The following TTLL11 variants were observed in gnomAD, a reference collection of about 807,000 sequenced individuals.
The protein encoded by TTLL11 is tubulin tyrosine ligase like 11, also known as tubulin polyglutamylase TTLL11.
Under a neutral mutation model 51.7 loss-of-function variants are expected in TTLL11, and 42 were observed. That is an observed-to-expected ratio of 0.81 (90% CI 0.64 to 1.05). The LOEUF is 1.05. TTLL11 is among the 50% of genes least tolerant of loss of function. The probability of loss-of-function intolerance (pLI) is 0.00; values close to 1 mark genes in which losing one functional copy is unlikely to be tolerated. For synonymous variants in TTLL11, 381 were observed against 383.5 expected, an observed-to-expected ratio of 0.99 and a Z score of 0.08; for missense variants, 799 against 940.4, an observed-to-expected ratio of 0.85 and a Z score of 1.97.
chr9:121,886,557 G>A (rs1288188914), intron 6 of TTLL11, among the ~76,000 whole-genome samples: 3 of 152,296 alleles, frequency 2.0e-5, no homozygotes, highest in Middle Eastern at 3.4e-3. Flanking sequence ...TTTGGAGGGG[G>A]CATGGCCCTG....
chr9:122,046,473 T>C (rs1845006255), intron 1 of TTLL11, among the ~76,000 whole-genome samples: 1 of 152,170 alleles, frequency 6.6e-6, no homozygotes, highest in East Asian at 1.9e-4. Context: ...AAGAACAGAC[T>C]AATACGCCCC....
chr9:121,895,052 G>A (rs1305642621), intron 6 of TTLL11, among the ~76,000 whole-genome samples: 5 of 152,026 alleles, frequency 3.3e-5, no homozygotes, highest in Non-Finnish European at 7.4e-5. Flanking sequence ...TTTTAGCCAC[G>A]TCCTATGCTC....
At chr9:122,074,764 G>T (rs756360552) in intron 1 of TTLL11, among the ~76,000 whole-genome samples, 1 of 151,808 alleles carries the variant, frequency 6.6e-6, no homozygotes, top group South Asian at 2.1e-4. Context: ...AGCTGAGTGG[G>T]TTGGCATGAG....
chr9:121,866,139 T>C (rs964748897), intron 7 of TTLL11, among the ~76,000 whole-genome samples: 1 of 152,222 alleles, frequency 6.6e-6, no homozygotes, highest in African/African-American at 2.4e-5. Flanking sequence ...AAAGTGCTCC[T>C]GAGAAGGGCA....
intron 8 of TTLL11, among the ~76,000 whole-genome samples, chr9:121,838,781 AAAGCAAGCAAGCAAGCAAGCAAGC>A (rs55715366): frequency 7.1e-6 from 1 of 139,898 alleles, no homozygotes; most frequent in Non-Finnish European, 1.5e-5. Flanking sequence ...AGCAAGCAAG[AAAGCAAGCAAGCAAGCAAGCAAGC>A]AAGCAAGCAA....
chr9:121,957,057 GT>G (rs1842041172), intron 6 of TTLL11, among the ~76,000 whole-genome samples: 1 of 152,204 alleles, frequency 6.6e-6, no homozygotes, highest in Non-Finnish European at 1.5e-5. Flanking sequence ...CCCACTGCAT[GT>G]TGGCCCAGCT....
rs1458892925 is a variant in TTLL11 at position 121,826,202 on chromosome 9, ATATATATATATATATG to A, written c.1841-3339_1841-3324del. 5.9e-3 allele frequency among the ~76,000 whole-genome samples: 661 copies of A among 112,900 alleles called. 66 individuals are homozygous for A. The highest frequency in any genetic ancestry group is 0.023 in the African/African-American group (601 of 26,246). 74.1% of individuals were successfully genotyped at this position (112,900 alleles called of 152,430 possible). ...CAGTAACCTATATATATATATATAT[ATATATATATATATATG>A]CACACATATATATATACACGCACAT... is the stretch of plus-strand genomic sequence containing the variant. On this transcript the variant is annotated intron_variant, in intron 8 of 8. Transcript: ENST00000321582.
At chr9:122,044,257 A>G (rs1483123899) in intron 1 of TTLL11, among the ~76,000 whole-genome samples, 5 of 151,986 alleles carry the variant, frequency 3.3e-5, no homozygotes, top group African/African-American at 1.2e-4. Context: ...CCAGTCTATC[A>G]TTGTTGGACA....
intron 3 of TTLL11, among the ~76,000 whole-genome samples, chr9:121,991,356 A>G (rs1234211749): frequency 3.9e-5 from 6 of 152,252 alleles, no homozygotes; most frequent in Admixed American, 3.3e-4. Context: ...TCCCCTTGTC[A>G]GCAGGATCCG....
intron 3 of TTLL11, among the ~76,000 whole-genome samples, chr9:122,009,283 T>A (rs1588201632): frequency 6.6e-6 from 1 of 152,186 alleles, no homozygotes; most frequent in East Asian, 1.9e-4. Context: ...CAAAACAACA[T>A]GTTGTACATG....
At chr9:121,932,664 C>G (rs761543208) in intron 6 of TTLL11, among the ~76,000 whole-genome samples, 1 of 151,940 alleles carries the variant, frequency 6.6e-6, no homozygotes, top group East Asian at 1.9e-4. Context: ...CATAGTAGTA[C>G]GGCAGGCTGA....
chr9:121,988,856 T>C (rs2131691433), intron 4 of TTLL11: 2 of 433,870 alleles, frequency 4.6e-6, no homozygotes, highest in Non-Finnish European at 8.0e-6. Flanking sequence ...GCAAAGGTTG[T>C]TGAATGAGTA....
intron 4 of TTLL11, among the ~76,000 whole-genome samples, chr9:121,987,359 G>C (rs953840283): frequency 2.0e-5 from 3 of 152,288 alleles, no homozygotes; most frequent in African/African-American, 7.2e-5. Flanking sequence ...GAGGGTCCCA[G>C]AGGTACCCCT....
At chr9:121,988,980 G>A in intron 4 of TTLL11, 1 of 1,121,484 alleles carries the variant, frequency 8.9e-7, no homozygotes, top group Non-Finnish European at 1.2e-6. Flanking sequence ...TCATTTTACA[G>A]GTAACAGAGG....
intron 3 of TTLL11, among the ~76,000 whole-genome samples, chr9:122,018,572 A>G (rs2131773758): frequency 6.6e-6 from 1 of 152,312 alleles, no homozygotes; most frequent in Admixed American, 6.5e-5. Context: ...CTCTAAGGCT[A>G]GGATCACTTT....
At chr9:122,068,262 G>A (rs535230826) in intron 1 of TTLL11, among the ~76,000 whole-genome samples, 31 of 152,168 alleles carry the variant, frequency 2.0e-4, no homozygotes, top group South Asian at 1.9e-3. Flanking sequence ...ACATAAAAAG[G>A]GCTATTTATA....
intron 1 of TTLL11, among the ~76,000 whole-genome samples, chr9:122,082,892 G>C (rs903113534): frequency 1.3e-5 from 2 of 152,216 alleles, no homozygotes; most frequent in African/African-American, 4.8e-5. Context: ...AGCTGGGCAT[G>C]GTGTGCACCT....
chr9:122,028,154 G>A (rs10125932), intron 3 of TTLL11, among the ~76,000 whole-genome samples: 6 of 152,008 alleles, frequency 3.9e-5, no homozygotes, highest in Non-Finnish European at 8.8e-5. Context: ...CTAATAAGCC[G>A]AAAGAAGAGA....
At chr9:121,944,028 T>C (rs1329394347) in intron 6 of TTLL11, among the ~76,000 whole-genome samples, 4 of 152,210 alleles carry the variant, frequency 2.6e-5, no homozygotes, top group African/African-American at 9.6e-5. Context: ...CATTTACAAA[T>C]TCCTGATCAA....
Sources: gnomAD v4.1 joint callset for allele counts (sites outside exome capture counted in the v4.1 genomes callset) on GRCh38, gnomAD v4.1.1 for gene constraint, MANE v1.5 for transcripts, NCBI Gene and HGNC (gene_info 2026-07-23, HGNC 2026-07-21) for gene names.